PTPN14: variants seen among roughly 807,000 people sequenced by gnomAD.
PTPN14 encodes the protein tyrosine-protein phosphatase non-receptor type 14.
A neutral mutation model predicts 126.8 loss-of-function variants in PTPN14; 53 were observed. The observed-to-expected ratio is 0.42, with a 90% confidence interval of 0.34 to 0.53. The LOEUF (loss-of-function observed/expected upper bound fraction) is 0.53, where lower values mean the gene tolerates loss of function less well. Among genes scored for constraint, PTPN14 ranks in the 20% least tolerant of loss-of-function variants. PTPN14 has a pLI of 0.08. For missense variants in PTPN14, 1,257 were observed against 1,552.9 expected, an observed-to-expected ratio of 0.81 and a Z score of 3.20; for synonymous variants, 630 against 599.3, an observed-to-expected ratio of 1.05 and a Z score of -0.75.
chr1:214,409,381 T>C (rs995281490), intron 5 of PTPN14, among the ~76,000 whole-genome samples: 11 of 152,232 alleles, frequency 7.2e-5, no homozygotes, highest in Non-Finnish European at 1.5e-4. Context: ...TCTACATTCA[T>C]CCATCTTATG....
intron 1 of PTPN14, among the ~76,000 whole-genome samples, chr1:214,468,293 C>T (rs1005606170): frequency 2.0e-5 from 3 of 152,126 alleles, no homozygotes; most frequent in Non-Finnish European, 4.4e-5. Context: ...CGGTGGCTCA[C>T]GCCCGTAATC....
intron 3 of PTPN14, among the ~76,000 whole-genome samples, chr1:214,422,721 G>A (rs2102595616): frequency 6.6e-6 from 1 of 152,176 alleles, no homozygotes; most frequent in East Asian, 1.9e-4. Context: ...TGATATGCCT[G>A]GTCTGAAGGA....
At chr1:214,389,882 T>C (rs1182096868) in intron 11 of PTPN14, among the ~76,000 whole-genome samples, 1 of 152,180 alleles carries the variant, frequency 6.6e-6, no homozygotes, top group Non-Finnish European at 1.5e-5. Context: ...GCCCAACGTA[T>C]CTGTTACATT....
intron 1 of PTPN14, among the ~76,000 whole-genome samples, chr1:214,548,027 G>A (rs2102491144): frequency 6.6e-6 from 1 of 152,136 alleles, no homozygotes; most frequent in African/African-American, 2.4e-5. Context: ...ACAAGTCCTT[G>A]AACATATAAA....
intron 14 of PTPN14, 129 bp from the exon 15 acceptor site, chr1:214,376,566 T>A: frequency 1.3e-6 from 1 of 770,212 alleles, no homozygotes; most frequent in Non-Finnish European, 2.1e-6. Flanking sequence ...AATGCTTGGT[T>A]TGTCTCATTA....
intron 4 of PTPN14, among the ~76,000 whole-genome samples, chr1:214,414,344 AC>A (rs1464997669): frequency 6.6e-6 from 1 of 152,200 alleles, no homozygotes; most frequent in Non-Finnish European, 1.5e-5. Context: ...TGTTCCACAA[AC>A]CCTGAAATGT....
At chr1:214,390,710 T>C (rs187798464) in intron 11 of PTPN14, among the ~76,000 whole-genome samples, 12 of 152,258 alleles carry the variant, frequency 7.9e-5, no homozygotes, top group Non-Finnish European at 1.5e-4. Flanking sequence ...AAACACACCA[T>C]GGGCTGTATG....
At chr1:214,539,190 G>A (rs971642790) in intron 1 of PTPN14, among the ~76,000 whole-genome samples, 7 of 152,108 alleles carry the variant, frequency 4.6e-5, no homozygotes, top group Non-Finnish European at 8.8e-5. Context: ...CTCTATCCAG[G>A]TAACTTCTAA....
At chr1:214,393,396 C>T (rs1463492855) in intron 10 of PTPN14, among the ~76,000 whole-genome samples, 4 of 152,204 alleles carry the variant, frequency 2.6e-5, no homozygotes, top group African/African-American at 9.6e-5. Flanking sequence ...TTGGGAACTG[C>T]ACCGCTTCTC....
chr1:214,419,817 A>T (rs1217532781), intron 3 of PTPN14, among the ~76,000 whole-genome samples: 1 of 152,170 alleles, frequency 6.6e-6, no homozygotes, highest in Middle Eastern at 3.2e-3. Flanking sequence ...CATCCATTCC[A>T]GCGGGTGTTC....
chr1:214,525,535 C>G (rs1301168416), intron 1 of PTPN14, among the ~76,000 whole-genome samples: 3 of 152,194 alleles, frequency 2.0e-5, no homozygotes, highest in Non-Finnish European at 2.9e-5. Flanking sequence ...TGGACAAAAA[C>G]AAACCTGGCA....
intron 1 of PTPN14, among the ~76,000 whole-genome samples, chr1:214,521,337 T>C (rs186545552): frequency 6.2e-4 from 95 of 152,338 alleles, no homozygotes; most frequent in African/African-American, 2.2e-3. Flanking sequence ...AGCCCTCTGA[T>C]ATAATCATCC....
chr1:214,542,838 T>C (rs2102485099), intron 1 of PTPN14, among the ~76,000 whole-genome samples: 1 of 152,288 alleles, frequency 6.6e-6, no homozygotes, highest in South Asian at 2.1e-4. Flanking sequence ...GGGAATCATT[T>C]GTGGAGAACC....
At chr1:214,397,528 T>G (rs1417885546) in intron 8 of PTPN14, among the ~76,000 whole-genome samples, 2 of 152,040 alleles carry the variant, frequency 1.3e-5, no homozygotes, top group African/African-American at 4.8e-5. Flanking sequence ...TCAAAACACA[T>G]TTTTAAAACT....
chr1:214,364,362 G>A lies in PTPN14; in HGVS notation c.3435+150C>T. 2.0e-6 allele frequency: 2 copies of A among 988,536 alleles called. No individual in the cohort carries two copies. Among genetic ancestry groups the A allele is most frequent in the Admixed American group, 5.2e-5 (2 of 38,242 alleles). The allele number at this position is 988,536 out of a possible 1,614,324, so 61.2% of individuals were successfully genotyped here. A position where few individuals can be genotyped will look rare whatever the true frequency, so the allele number is the denominator to read the frequency against. On this transcript the variant is annotated intron_variant, in intron 18 of 18. Coordinates refer to ENST00000366956, the MANE Select transcript of PTPN14 (RefSeq NM_005401.5). The surrounding 1 kb of genome is among the most constrained non-coding windows in gnomAD (Gnocchi z 4.1). The stretch of plus-strand genomic sequence containing the variant: ...AAGATAAGGAGGGCTGTAAATGTCA[G>A]AGTCAAACTAGGAACCAGGAGCCTG...
chr1:214,470,119 C>G (rs1272468732), intron 1 of PTPN14, among the ~76,000 whole-genome samples: 1 of 38,844 alleles, frequency 2.6e-5, no homozygotes, highest in African/African-American at 1.5e-4. Flanking sequence ...AGACTTTGAC[C>G]CTACAAAATA....
chr1:214,434,115 GA>G (rs1659859319), intron 3 of PTPN14, among the ~76,000 whole-genome samples: 1 of 152,016 alleles, frequency 6.6e-6, no homozygotes, highest in African/African-American at 2.4e-5. Context: ...CTGGGCAACA[GA>G]GTAAGACCCT....
At chr1:214,498,791 A>ATT (rs548043232) in intron 1 of PTPN14, among the ~76,000 whole-genome samples, 2 of 151,418 alleles carry the variant, frequency 1.3e-5, no homozygotes, top group Non-Finnish European at 2.9e-5. Flanking sequence ...ACCCTTTAAA[A>ATT]TTTTTTTTTC....
intron 17 of PTPN14, among the ~76,000 whole-genome samples, chr1:214,368,795 G>A (rs886463196): frequency 1.2e-4 from 18 of 152,032 alleles, no homozygotes; most frequent in Non-Finnish European, 2.4e-4. Context: ...CTAGCCTGGC[G>A]AACATGGTGA....
Sources: allele counts gnomAD v4.1 joint callset (sites outside exome capture counted in the v4.1 genomes callset), GRCh38; gene constraint gnomAD v4.1.1; non-coding constraint Gnocchi (gnomAD v3.1); transcripts MANE v1.5; gene names NCBI Gene and HGNC (gene_info 2026-07-23, HGNC 2026-07-21).